The following SCNN1B variants were observed in gnomAD, a reference collection of about 807,000 sequenced individuals.
The protein encoded by SCNN1B is epithelial sodium channel subunit beta.
SCNN1B carries 46 observed loss-of-function variants against 65.3 expected under a neutral mutation model. The ratio of observed to expected loss-of-function variants is 0.70; its 90% CI spans 0.56 to 0.90. SCNN1B has a LOEUF of 0.90. Ranked by LOEUF, SCNN1B falls within the 40% of genes least tolerant of loss-of-function variation. The pLI, the probability that SCNN1B is intolerant of heterozygous loss-of-function variation, is 0.00. For missense variants in SCNN1B, 751 were observed against 830.5 expected (o/e 0.90, Z 1.18); for synonymous variants, 349 against 330.6 (o/e 1.06, Z -0.60).
intron 2 of SCNN1B, among the ~76,000 whole-genome samples, chr16:23,289,092 T>A (rs141444180): frequency 5.9e-5 from 9 of 152,314 alleles, no homozygotes; most frequent in South Asian, 2.1e-4. Context: ...AGCCACTAGA[T>A]CAGCCTCCCC....
At position 23,309,618 on chromosome 16, in the gene SCNN1B, G is replaced by A. The variant is rs376823956; in HGVS notation, c.-9+7181G>A. Among the ~76,000 whole-genome samples the A allele has an allele frequency of 1.3e-3, 194 of 152,302 alleles. 2 individuals are homozygous for A. The highest frequency in any genetic ancestry group is 4.4e-3 in the African/African-American group (185 of 41,576). On this transcript the variant is annotated intron_variant, in intron 1 of 12. Coordinates refer to ENST00000343070, the MANE Select transcript of SCNN1B (RefSeq NM_000336.3). ...CAGCATGGGAGAAAGATGTAGCCTA[G>A]GAGGCTAGGCCAGTCTAGGCTTTTC...
chr16:23,342,817 C>G (rs554032507), intron 1 of SCNN1B, among the ~76,000 whole-genome samples: 59 of 152,180 alleles, frequency 3.9e-4, no homozygotes, highest in African/African-American at 1.4e-3. Context: ...TCTAGAGAGA[C>G]AGAGAATAGA....
chr16:23,321,396 T>C (rs1276223897), intron 1 of SCNN1B, among the ~76,000 whole-genome samples: 1 of 152,008 alleles, frequency 6.6e-6, no homozygotes, highest in Non-Finnish European at 1.5e-5. Context: ...GGGCTCCCTG[T>C]TCCTCTGAAG....
intron 2 of SCNN1B, among the ~76,000 whole-genome samples, chr16:23,285,323 C>A (rs1272907710): frequency 2.6e-5 from 4 of 152,124 alleles, no homozygotes; most frequent in Non-Finnish European, 5.9e-5. Context: ...CAGGTGTGCA[C>A]CACCACACCC....
chr16:23,301,302 C>T (rs1387212056), upstream of SCNN1B, among the ~76,000 whole-genome samples: 2 of 143,692 alleles, frequency 1.4e-5, no homozygotes, highest in African/African-American at 2.7e-5. Context: ...GTGGAGGTTA[C>T]AGTGAGCTGA....
chr16:23,288,577 G>C (rs1960883287), intron 2 of SCNN1B, among the ~76,000 whole-genome samples: 2 of 152,176 alleles, frequency 1.3e-5, no homozygotes. Flanking sequence ...GCCAAGGTGG[G>C]AGGATTGCTT....
At chr16:23,335,040 CT>C (rs1485188814) in intron 1 of SCNN1B, among the ~76,000 whole-genome samples, 1 of 151,990 alleles carries the variant, frequency 6.6e-6, no homozygotes, top group Non-Finnish European at 1.5e-5. Flanking sequence ...TATTTTTTTT[CT>C]CTTTCCTGTG....
chr16:23,342,855 G>A (rs1596853655), intron 1 of SCNN1B, among the ~76,000 whole-genome samples: 1 of 152,226 alleles, frequency 6.6e-6, no homozygotes, highest in African/African-American at 2.4e-5. Flanking sequence ...GGAGGAGGAG[G>A]GTGGAGAGAG....
chr16:23,303,228 T>G (rs1048139124), intron 1 of SCNN1B, among the ~76,000 whole-genome samples: 3 of 152,060 alleles, frequency 2.0e-5, no homozygotes, highest in African/African-American at 7.2e-5. Flanking sequence ...GCACAGAGTT[T>G]AGGGAGGAAG....
intron 1 of SCNN1B, among the ~76,000 whole-genome samples, chr16:23,304,311 G>A (rs1033717481): frequency 1.3e-5 from 2 of 149,134 alleles, no homozygotes; most frequent in Admixed American, 6.7e-5. Flanking sequence ...AAGCACACAC[G>A]GGCACACATA....
Position 23,362,327 on chromosome 16 carries a change from C to T in SCNN1B, c.777-5529C>T, listed in dbSNP as rs950444156. On this transcript the variant is annotated intron_variant, in intron 4 of 12. Transcript: ENST00000343070. ...GCCACTGCACTCCAGCCTGAGCAAT[C>T]TCAAAAAAAAAAAAAATAAAGTTAA... Among the ~76,000 whole-genome samples, 3 of 138,722 alleles carry T rather than the reference C, an allele frequency of 2.2e-5. No individual in the cohort carries two copies. In the East Asian group the frequency reaches 6.0e-4, roughly 28 times the overall value. The allele number at this position is 138,722 out of a possible 152,430, so 91.0% of individuals were successfully genotyped here. A position where few individuals can be genotyped will look rare whatever the true frequency, so the allele number is the denominator to read the frequency against.
chr16:23,321,678 G>A (rs1961590656), intron 1 of SCNN1B, among the ~76,000 whole-genome samples: 1 of 152,194 alleles, frequency 6.6e-6, no homozygotes, highest in Non-Finnish European at 1.5e-5. Context: ...TGCCATGACA[G>A]TTCCTGGCAC....
chr16:23,289,024 T>C (rs1960888026), intron 2 of SCNN1B, among the ~76,000 whole-genome samples: 1 of 152,138 alleles, frequency 6.6e-6, no homozygotes, highest in Non-Finnish European at 1.5e-5. Context: ...GCAACTTACA[T>C]AGCCTAATCA....
chr16:23,370,958 A>G (rs1052189184), intron 5 of SCNN1B, among the ~76,000 whole-genome samples: 1 of 152,242 alleles, frequency 6.6e-6, no homozygotes, highest in Admixed American at 6.5e-5. Context: ...GCTCGGAGGC[A>G]TTGAACGGGG....
chr16:23,284,754 A>T (rs1485421505), intron 2 of SCNN1B, among the ~76,000 whole-genome samples: 1 of 152,214 alleles, frequency 6.6e-6, no homozygotes, highest in Non-Finnish European at 1.5e-5. Flanking sequence ...GGGCAGCCCT[A>T]CTAAGTAACT....
chr16:23,344,918 C>T (rs554878796), intron 1 of SCNN1B, among the ~76,000 whole-genome samples: 1 of 152,148 alleles, frequency 6.6e-6, no homozygotes, highest in African/African-American at 2.4e-5. Flanking sequence ...CACCTGAGCC[C>T]GGGAGGTGGA....
chr16:23,283,481 A>G (rs1299282422), intron 1 of SCNN1B, among the ~76,000 whole-genome samples: 1 of 152,248 alleles, frequency 6.6e-6, no homozygotes, highest in Non-Finnish European at 1.5e-5. Flanking sequence ...CTAATTTATA[A>G]GAAGGTGTTG....
Position 23,380,272 on chromosome 16 carries a change from T to A in SCNN1B, c.1542+103T>A. 2 of 1,493,876 alleles carry A rather than the reference T, an allele frequency of 1.3e-6. No individual in the cohort carries two copies. Among genetic ancestry groups the A allele is most frequent in the South Asian group, 2.3e-5 (2 of 88,328 alleles). The allele number at this position is 1,493,876 out of a possible 1,614,324, so 92.5% of individuals were successfully genotyped here. A position where few individuals can be genotyped will look rare whatever the true frequency, so the allele number is the denominator to read the frequency against. Reference sequence around the variant, plus strand: ...GAGCCCTATGAAGGAATTAGGAAGATCCCTAAGACAGTCCCAAGTTATTCC... The same window carrying A: ...GAGCCCTATGAAGGAATTAGGAAGAACCCTAAGACAGTCCCAAGTTATTCC... On this transcript the variant is annotated intron_variant, in intron 12 of 12. Transcript: ENST00000343070. This position sits in a 1 kb window ranked among gnomAD's most constrained non-coding sequence, Gnocchi z 5.4.
intron 1 of SCNN1B, among the ~76,000 whole-genome samples, chr16:23,345,781 G>A (rs759450259): frequency 5.3e-5 from 8 of 152,164 alleles, no homozygotes; most frequent in Non-Finnish European, 8.8e-5. Context: ...AGAGTATGCT[G>A]GGCACAGAGG....
Sources: gnomAD v4.1 joint callset for allele counts (sites outside exome capture counted in the v4.1 genomes callset) on GRCh38, gnomAD v4.1.1 for gene constraint, Gnocchi (gnomAD v3.1) non-coding constraint, MANE v1.5 for transcripts, NCBI Gene and HGNC (gene_info 2026-07-23, HGNC 2026-07-21) for gene names.